PMP22: variants seen among roughly 807,000 people sequenced by gnomAD.
The protein encoded by PMP22 is Charcot-Marie-Tooth neuropathy 1A (greatly reduced nerve conduction velocity, hereditary motor sensory neuropathy Ia).
A neutral mutation model predicts 18.9 loss-of-function variants in PMP22; 2 were observed. The observed-to-expected ratio is 0.11, with a 90% CI of 0.04 to 0.33. PMP22 has a LOEUF of 0.33. Among genes scored for constraint, PMP22 ranks in the 10% least tolerant of loss-of-function variants. PMP22 has a pLI of 1.00. For synonymous variants in PMP22, 95 were observed against 89.2 expected, an observed-to-expected ratio of 1.07 and a Z score of -0.37; for missense variants, 169 against 202.2, an observed-to-expected ratio of 0.84 and a Z score of 1.00.
chr17:15,259,029 T>A, intron 3 of PMP22, 65 bp downstream of exon 3: 1 of 1,200,142 alleles, frequency 8.3e-7, no homozygotes, highest in Non-Finnish European at 1.2e-6. Flanking sequence ...CGTTTCCAGC[T>A]CTGGGCTGAG....
chr17:15,235,506 T>G (rs1250596749), intron 4 of PMP22, among the ~76,000 whole-genome samples: 1 of 152,188 alleles, frequency 6.6e-6, no homozygotes, highest in Non-Finnish European at 1.5e-5. Flanking sequence ...GGCTATAGGT[T>G]CTGAAAATAA....
intron 1 of PMP22, 99 bp from the exon 2 acceptor site, chr17:15,260,860 T>TGGCCCAGCGCCCGC: frequency 1.2e-6 from 1 of 861,334 alleles, no homozygotes; most frequent in African/African-American, 1.7e-5. Flanking sequence ...AGGCCCGGCC[T>TGGCCCAGCGCCCGC]GGCCCAGCGC....
At chr17:15,238,896 C>T (rs945566001) in intron 4 of PMP22, among the ~76,000 whole-genome samples, 9 of 152,136 alleles carry the variant, frequency 5.9e-5, no homozygotes, top group Non-Finnish European at 1.2e-4. Context: ...CAATATGTGA[C>T]ACAAGAGTGT....
intron 3 of PMP22, among the ~76,000 whole-genome samples, chr17:15,256,916 A>C (rs1033143678): frequency 6.6e-6 from 1 of 152,174 alleles, no homozygotes; most frequent in East Asian, 1.9e-4. Context: ...AGAGATAACC[A>C]CTACTGGGGA....
intron 3 of PMP22, among the ~76,000 whole-genome samples, chr17:15,249,758 G>A (rs230912): frequency 0.38 from 57,797 of 151,944 alleles, 11,879 homozygotes; most frequent in Admixed American, 0.45. Flanking sequence ...GAGGAGAGAC[G>A]GGGGTCACCC....
rs1278375915 is a variant in PMP22 at position 15,253,143 on chromosome 17, C to G, written c.178+5951G>C. Among the ~76,000 whole-genome samples the G allele has an allele frequency of 3.9e-5, 6 of 152,292 alleles. No individual in the cohort carries two copies. In the South Asian group the frequency reaches 1.0e-3, roughly 26 times the overall value. ...GGAGGAGGCTTGGCACACCCCTCCC[C>G]CTCACCAGAGCCTTCCAGATTGTAT... On this transcript the variant is annotated intron_variant, in intron 3 of 4. Coordinates refer to ENST00000312280, the MANE Select transcript of PMP22 (RefSeq NM_000304.4).
At chr17:15,256,011 T>G (rs1009941172) in intron 3 of PMP22, among the ~76,000 whole-genome samples, 2 of 152,094 alleles carry the variant, frequency 1.3e-5, no homozygotes, top group Non-Finnish European at 2.9e-5. Flanking sequence ...GGATACAATA[T>G]CATAACGAAT....
chr17:15,247,284 G>A (rs8082314), intron 3 of PMP22, among the ~76,000 whole-genome samples: 5,572 of 151,444 alleles, frequency 0.037, 364 homozygotes, highest in African/African-American at 0.13. Context: ...CAGGAGAATG[G>A]TGTGAACCCG....
chr17:15,263,146 C>T (rs1332110739), intron 1 of PMP22, among the ~76,000 whole-genome samples: 2 of 152,206 alleles, frequency 1.3e-5, no homozygotes, highest in East Asian at 3.9e-4. Context: ...ATTGATCTAG[C>T]GGGCTCCTCT....
chr17:15,244,727 G>T (rs956480874), intron 3 of PMP22, among the ~76,000 whole-genome samples: 1 of 152,134 alleles, frequency 6.6e-6, no homozygotes, highest in East Asian at 1.9e-4. Flanking sequence ...CTATGTAATT[G>T]CGTATAGACA....
At chr17:15,259,768 C>T (rs1909144047) in intron 2 of PMP22, among the ~76,000 whole-genome samples, 1 of 150,100 alleles carries the variant, frequency 6.7e-6, no homozygotes, top group Non-Finnish European at 1.5e-5. Flanking sequence ...AGTGAAACCC[C>T]GTCTCTACTA....
intron 3 of PMP22, among the ~76,000 whole-genome samples, chr17:15,246,268 A>C (rs1347117699): frequency 2.6e-5 from 4 of 152,198 alleles, no homozygotes; most frequent in Non-Finnish European, 4.4e-5. Context: ...CAACTACTCA[A>C]TTCTGCCTTT....
At chr17:15,251,069 C>T (rs1032203518) in intron 3 of PMP22, among the ~76,000 whole-genome samples, 1 of 152,212 alleles carries the variant, frequency 6.6e-6, no homozygotes, top group African/African-American at 2.4e-5. Flanking sequence ...AGCGATCCTG[C>T]TCCCATCCCT....
intron 3 of PMP22, among the ~76,000 whole-genome samples, chr17:15,247,274 CAGG>C (rs1018733655): frequency 6.6e-6 from 1 of 152,000 alleles, no homozygotes; most frequent in Non-Finnish European, 1.5e-5. Flanking sequence ...GAGGCTGAGG[CAGG>C]AGAATGGTGT....
At chr17:15,257,837 G>A (rs1908971755) in intron 3 of PMP22, among the ~76,000 whole-genome samples, 1 of 152,190 alleles carries the variant, frequency 6.6e-6, no homozygotes, top group African/African-American at 2.4e-5. Context: ...ACATAAAGCA[G>A]GGTTTTCTAC....
rs1909360469 is a variant in PMP22, at chr17:15,261,711, G to A, written c.-34-950C>T. ...CGGGAGAGAGAGACAGAGGGTAAAA[G>A]GCTGAGTCCGAGAATTTCAGCCGGT... On this transcript the variant is annotated intron_variant, in intron 1 of 4. Transcript: ENST00000312280. This position sits in a 1 kb window ranked among gnomAD's most constrained non-coding sequence, Gnocchi z 5.2. The A allele has an allele frequency of 6.6e-6, 1 of 152,280 alleles. No homozygotes were observed. The highest frequency in any genetic ancestry group is 1.5e-5 in the Non-Finnish European group (1 of 68,086). The allele number at this position is 152,280 out of a possible 1,614,324, so 9.4% of individuals were successfully genotyped here. A position where few individuals can be genotyped will look rare whatever the true frequency, so the allele number is the denominator to read the frequency against.
At chr17:15,235,358 T>C in intron 4 of PMP22, 1 of 716,794 alleles carries the variant, frequency 1.4e-6, no homozygotes, top group Non-Finnish European at 2.6e-6. Context: ...GTGCCCCACA[T>C]GGAGCTTGAT....
chr17:15,259,938 C>CAAAA (rs61415317), intron 2 of PMP22, among the ~76,000 whole-genome samples: 15 of 97,778 alleles, frequency 1.5e-4, no homozygotes, highest in East Asian at 2.6e-4. Flanking sequence ...GACTCCATCT[C>CAAAA]AAAAAAAAAA....
In PMP22 at chr17:15,261,148, G is replaced by T. The variant is rs1410274539; in HGVS notation, c.-34-387C>A. 6.3e-6 allele frequency: 1 copy of T among 158,228 alleles called. No homozygotes were observed. Among genetic ancestry groups the T allele is most frequent in the Non-Finnish European group, 1.4e-5 (1 of 73,032 alleles). The allele number at this position is 158,228 out of a possible 1,614,324, so 9.8% of individuals were successfully genotyped here. On this transcript the variant is annotated intron_variant, in intron 1 of 4. Transcript: ENST00000312280. The surrounding 1 kb of genome is among the most constrained non-coding windows in gnomAD (Gnocchi z 5.2). ...ACCTCCCTGGAAGGTGAGAGGTCAC[G>T]TTCTCCGAGACCCCGGTTCAGATGG...
Sources: gnomAD v4.1 joint callset for allele counts (sites outside exome capture counted in the v4.1 genomes callset) on GRCh38, gnomAD v4.1.1 for gene constraint, Gnocchi (gnomAD v3.1) non-coding constraint, MANE v1.5 for transcripts, NCBI Gene and HGNC (gene_info 2026-07-23, HGNC 2026-07-21) for gene names.